CHMP3: variants seen among roughly 807,000 people sequenced by gnomAD.
CHMP3 encodes the protein charged multivesicular body protein 3.
A neutral mutation model predicts 27.4 loss-of-function variants in CHMP3; 8 were observed. The observed-to-expected ratio is 0.29, with a 90% CI of 0.17 to 0.53. CHMP3 has a LOEUF of 0.53. CHMP3 is among the 20% of genes least tolerant of loss of function. CHMP3 has a pLI of 0.96. For synonymous variants in CHMP3, 86 were observed against 85.5 expected (o/e 1.01, Z -0.03); for missense variants, 208 against 271.5 (o/e 0.77, Z 1.64).
intron 4 of CHMP3, 73 bp downstream of exon 4, chr2:86,510,285 T>C: frequency 6.7e-6 from 5 of 748,274 alleles, no homozygotes; most frequent in Non-Finnish European, 8.7e-6. Context: ...CCCACCCTCA[T>C]CCCTAGCCCC....
chr2:86,560,743 C>T (rs189157684), intron 1 of CHMP3, among the ~76,000 whole-genome samples: 1 of 151,780 alleles, frequency 6.6e-6, no homozygotes, highest in African/African-American at 2.4e-5. Flanking sequence ...AACTGGCTCA[C>T]AGTTCTGCAG....
chr2:86,534,120 T>A (rs1431363136), intron 2 of CHMP3, among the ~76,000 whole-genome samples: 1 of 152,028 alleles, frequency 6.6e-6, no homozygotes, highest in Non-Finnish European at 1.5e-5. Flanking sequence ...GAATGTCTTG[T>A]GTATATGTGA....
chr2:86,550,333 G>A (rs993613452), intron 1 of CHMP3, among the ~76,000 whole-genome samples: 10 of 152,210 alleles, frequency 6.6e-5, no homozygotes, highest in East Asian at 1.9e-4. Flanking sequence ...CCGAGACCAC[G>A]GCAGTACAGT....
intron 1 of CHMP3, chr2:86,562,856 G>C (rs961216642): frequency 3.2e-5 from 5 of 158,598 alleles, no homozygotes; most frequent in African/African-American, 9.6e-5. Context: ...GGAGGACGGA[G>C]AACAGACGGC....
At chr2:86,549,913 C>T (rs555766636) in intron 1 of CHMP3, among the ~76,000 whole-genome samples, 26 of 151,498 alleles carry the variant, frequency 1.7e-4, no homozygotes, top group African/African-American at 5.1e-4. Flanking sequence ...CGGGCAGAGG[C>T]GCTTCTCACT....
At chr2:86,556,689 T>C (rs1032235958) in intron 1 of CHMP3, among the ~76,000 whole-genome samples, 1 of 152,204 alleles carries the variant, frequency 6.6e-6, no homozygotes, top group Non-Finnish European at 1.5e-5. Context: ...CCATGTTAAT[T>C]ACCCACAAGT....
At chr2:86,551,266 C>T (rs1676894278) in intron 1 of CHMP3, among the ~76,000 whole-genome samples, 1 of 143,584 alleles carries the variant, frequency 7.0e-6, no homozygotes, top group African/African-American at 2.6e-5. Context: ...TGAATATCTG[C>T]TTATGAACTC....
rs377060828 is a variant in CHMP3, at chr2:86,505,703, C to T, written c.*101G>A. On this transcript the variant is annotated 3_prime_UTR_variant, in exon 6 of 6. Coordinates refer to ENST00000263856, the MANE Select transcript of CHMP3 (RefSeq NM_016079.4). ...AATGAAAAGAGACAAACAGAACCTT[C>T]TCCAAAATGGTAGTCCTCACAACAG... 1.4e-5 allele frequency: 18 copies of T among 1,321,980 alleles called. No homozygotes were observed. The East Asian group carries it at 1.4e-4, about 10-fold the overall frequency. 81.9% of individuals were successfully genotyped at this position (1,321,980 alleles called of 1,614,324 possible).
intron 1 of CHMP3, among the ~76,000 whole-genome samples, chr2:86,557,672 G>T (rs1348513114): frequency 6.6e-6 from 1 of 151,944 alleles, no homozygotes; most frequent in Non-Finnish European, 1.5e-5. Context: ...AGTTCACTTT[G>T]CTAGGGATGC....
intron 1 of CHMP3, among the ~76,000 whole-genome samples, chr2:86,546,270 C>T (rs950136036): frequency 7.0e-6 from 1 of 143,474 alleles, no homozygotes; most frequent in Admixed American, 7.6e-5. Context: ...AGGCCGGAGG[C>T]AGGAGAATCA....
At chr2:86,527,075 A>G (rs1675743154) in intron 3 of CHMP3, 1 of 151,798 alleles carries the variant, frequency 6.6e-6, no homozygotes, top group Non-Finnish European at 1.5e-5. Context: ...TTTTATATAT[A>G]TATAATATAG....
intron 4 of CHMP3, among the ~76,000 whole-genome samples, chr2:86,509,906 T>C (rs1043894320): frequency 6.6e-6 from 1 of 152,224 alleles, no homozygotes; most frequent in Admixed American, 6.5e-5. Flanking sequence ...ACCCTGATCC[T>C]GGGGGTGGCA....
intron 1 of CHMP3, among the ~76,000 whole-genome samples, chr2:86,546,357 C>T (rs1676600667): frequency 9.2e-6 from 1 of 108,654 alleles, no homozygotes; most frequent in Non-Finnish European, 1.8e-5. Flanking sequence ...AGAGGGAGAC[C>T]CGAAGGGAGG....
At chr2:86,561,395 C>T (rs757920590) in intron 1 of CHMP3, among the ~76,000 whole-genome samples, 28 of 152,144 alleles carry the variant, frequency 1.8e-4, no homozygotes, top group Admixed American at 5.9e-4. Context: ...TAGGGCTAAT[C>T]TTAATTCACT....
chr2:86,549,821 G>A (rs1399322825), intron 1 of CHMP3, among the ~76,000 whole-genome samples: 4 of 150,620 alleles, frequency 2.7e-5, no homozygotes, highest in Non-Finnish European at 5.9e-5. Flanking sequence ...CCTCCCAGGC[G>A]GGGTGGCCGG....
intron 3 of CHMP3, among the ~76,000 whole-genome samples, chr2:86,523,420 T>C (rs1252221970): frequency 6.6e-6 from 1 of 152,184 alleles, no homozygotes; most frequent in Non-Finnish European, 1.5e-5. Context: ...AAATTTATTA[T>C]TTTTATTTTT....
intron 2 of CHMP3, among the ~76,000 whole-genome samples, chr2:86,536,675 T>G (rs1676158194): frequency 6.6e-6 from 1 of 152,222 alleles, no homozygotes; most frequent in South Asian, 2.1e-4. Context: ...GTGTCTTTCT[T>G]GGCAAGATCT....
chr2:86,559,375 C>G (rs112600839), intron 1 of CHMP3, among the ~76,000 whole-genome samples: 1 of 152,220 alleles, frequency 6.6e-6, no homozygotes, highest in African/African-American at 2.4e-5. Flanking sequence ...AGCTTACAGA[C>G]AGCATATGAT....
intron 3 of CHMP3, chr2:86,515,263 CTCAG>C (rs1449239839): frequency 1.3e-5 from 2 of 152,064 alleles, no homozygotes; most frequent in African/African-American, 2.4e-5. Context: ...CATTAATCTT[CTCAG>C]TATTGTTCCA....
Sources: gnomAD v4.1 joint callset for allele counts (sites outside exome capture counted in the v4.1 genomes callset) on GRCh38, gnomAD v4.1.1 for gene constraint, MANE v1.5 for transcripts, NCBI Gene and HGNC (gene_info 2026-07-23, HGNC 2026-07-21) for gene names.